The following THSD7B variants were observed in gnomAD, a reference collection of about 807,000 sequenced individuals.
The protein encoded by THSD7B is thrombospondin type-1 domain-containing protein 7B.
THSD7B carries 138 observed loss-of-function variants against 213.6 expected under a neutral mutation model. The ratio of observed to expected loss-of-function variants is 0.65; its 90% CI spans 0.56 to 0.74. The LOEUF is 0.74. THSD7B is among the 30% of genes least tolerant of loss of function. The pLI is 0.00. For synonymous variants in THSD7B, 742 were observed against 687.0 expected (o/e 1.08, Z -1.25); for missense variants, 1,931 against 1,991.5 (o/e 0.97, Z 0.58).
intron 5 of THSD7B, among the ~76,000 whole-genome samples, chr2:137,125,641 C>T (rs917535447): frequency 2.0e-5 from 3 of 152,162 alleles, no homozygotes; most frequent in South Asian, 2.1e-4. Flanking sequence ...TTGACCTCCT[C>T]CCATGGATCA....
At chr2:137,622,739 T>A (rs1407185401) in intron 20 of THSD7B, among the ~76,000 whole-genome samples, 1 of 152,114 alleles carries the variant, frequency 6.6e-6, no homozygotes, top group Non-Finnish European at 1.5e-5. Context: ...AAGAAATGGA[T>A]AAATTCCTGG....
intron 17 of THSD7B, among the ~76,000 whole-genome samples, chr2:137,613,040 G>T (rs1370150949): frequency 6.6e-6 from 1 of 152,022 alleles, no homozygotes; most frequent in African/African-American, 2.4e-5. Flanking sequence ...GATGTCTATG[G>T]TAGTCTTTTC....
At chr2:137,083,581 C>A (rs1687786206) in intron 3 of THSD7B, among the ~76,000 whole-genome samples, 1 of 152,048 alleles carries the variant, frequency 6.6e-6, no homozygotes, top group Non-Finnish European at 1.5e-5. Flanking sequence ...TGCCTAGTGG[C>A]AGAAAAATGC....
chr2:137,091,752 T>TAA (rs1277414215), intron 3 of THSD7B, among the ~76,000 whole-genome samples: 1 of 152,132 alleles, frequency 6.6e-6, no homozygotes, highest in Non-Finnish European at 1.5e-5. Flanking sequence ...AATCACCTCT[T>TAA]TAGTCACTCT....
chr2:136,962,955 G>C (rs1685251188), intron 2 of THSD7B, among the ~76,000 whole-genome samples: 1 of 152,124 alleles, frequency 6.6e-6, no homozygotes, highest in Admixed American at 6.5e-5. Context: ...ATCAGATTTT[G>C]TGGTTTGTTT....
intron 10 of THSD7B, among the ~76,000 whole-genome samples, chr2:137,271,402 T>C (rs2104805217): frequency 7.0e-6 from 1 of 142,924 alleles, no homozygotes; most frequent in South Asian, 2.2e-4. Context: ...GAATTATATA[T>C]ATATGAATTA....
At chr2:136,863,415 T>A (rs1212827051) in intron 1 of THSD7B, among the ~76,000 whole-genome samples, 1 of 152,078 alleles carries the variant, frequency 6.6e-6, no homozygotes, top group Non-Finnish European at 1.5e-5. Context: ...TATCATGAAG[T>A]TAGGTGTGTC....
At chr2:137,307,617 TA>T (rs1235524964) in intron 12 of THSD7B, among the ~76,000 whole-genome samples, 6 of 152,220 alleles carry the variant, frequency 3.9e-5, no homozygotes, top group African/African-American at 1.2e-4. Flanking sequence ...AATGTGTCCC[TA>T]AAAAAGCTTT....
chr2:137,564,515 C>G (rs1681192092), intron 16 of THSD7B, among the ~76,000 whole-genome samples: 1 of 152,110 alleles, frequency 6.6e-6, no homozygotes, highest in South Asian at 2.1e-4. Flanking sequence ...GAGCTTTTAC[C>G]TTTTTCTTTT....
At chr2:137,300,784 G>T (rs1376798609) in intron 12 of THSD7B, among the ~76,000 whole-genome samples, 3 of 152,094 alleles carry the variant, frequency 2.0e-5, no homozygotes, top group Non-Finnish European at 2.9e-5. Context: ...TTTGATGCTG[G>T]AATATAGGAC....
intron 6 of THSD7B, among the ~76,000 whole-genome samples, chr2:137,170,525 C>T (rs555498039): frequency 1.3e-5 from 2 of 152,258 alleles, no homozygotes; most frequent in South Asian, 4.1e-4. Flanking sequence ...AGGTTGTAAA[C>T]TCTTGGAAGA....
At chr2:137,156,677 G>T (rs545209511) in intron 5 of THSD7B, among the ~76,000 whole-genome samples, 1 of 152,306 alleles carries the variant, frequency 6.6e-6, no homozygotes, top group African/African-American at 2.4e-5. Flanking sequence ...TGGAGACACA[G>T]TGTCCTTGAC....
chr2:136,819,111 G>A (rs1406744904), intron 1 of THSD7B, among the ~76,000 whole-genome samples: 1 of 151,926 alleles, frequency 6.6e-6, no homozygotes, highest in Non-Finnish European at 1.5e-5. Context: ...GTCAACAGTG[G>A]GAACGAAAGG....
chr2:136,857,871 T>C (rs1683200471), intron 1 of THSD7B, among the ~76,000 whole-genome samples: 1 of 152,244 alleles, frequency 6.6e-6, no homozygotes, highest in South Asian at 2.1e-4. Context: ...TTCTGGTTCT[T>C]ATATCAGCAG....
At chr2:137,621,013 G>T (rs556993730) in intron 20 of THSD7B, among the ~76,000 whole-genome samples, 1 of 152,272 alleles carries the variant, frequency 6.6e-6, no homozygotes, top group South Asian at 2.1e-4. Context: ...AAACATGTTG[G>T]CCTCAGTGGT....
At chr2:137,171,262 A>T (rs545791825) in intron 7 of THSD7B, among the ~76,000 whole-genome samples, 1 of 152,314 alleles carries the variant, frequency 6.6e-6, no homozygotes, top group African/African-American at 2.4e-5. Flanking sequence ...ATATAAAACA[A>T]GTAAAAGCCA....
At chr2:137,362,018 G>C (rs950440963) in intron 12 of THSD7B, among the ~76,000 whole-genome samples, 1 of 152,148 alleles carries the variant, frequency 6.6e-6, no homozygotes, top group African/African-American at 2.4e-5. Flanking sequence ...AAGCCCATCA[G>C]ACTAACAGGG....
At chr2:136,846,268 G>A (rs1158135066) in intron 1 of THSD7B, among the ~76,000 whole-genome samples, 2 of 152,038 alleles carry the variant, frequency 1.3e-5, no homozygotes, top group African/African-American at 4.8e-5. Context: ...TCATACCCTG[G>A]GTTATCGTAC....
intron 2 of THSD7B, among the ~76,000 whole-genome samples, chr2:136,961,258 T>G (rs1685213813): frequency 6.8e-6 from 1 of 146,114 alleles, no homozygotes; most frequent in Non-Finnish European, 1.5e-5. Flanking sequence ...TCTCACTCTG[T>G]TGCCCAGGCT....
Sources: gnomAD v4.1 joint callset for allele counts (sites outside exome capture counted in the v4.1 genomes callset) on GRCh38, gnomAD v4.1.1 for gene constraint, MANE v1.5 for transcripts, NCBI Gene and HGNC (gene_info 2026-07-23, HGNC 2026-07-21) for gene names.